Variants in METTL15 observed in about 807,000 individuals in gnomAD.
The protein encoded by METTL15 is 12S rRNA N(4)-cytidine methyltransferase METTL15.
METTL15 carries 34 observed loss-of-function variants against 38.3 expected under a neutral mutation model. The observed-to-expected ratio is 0.89, with a 90% CI of 0.68 to 1.18. The LOEUF is 1.18. METTL15 is among the 50% of genes most tolerant of loss of function. METTL15 has a pLI of 0.00. For synonymous variants in METTL15, 162 were observed against 170.9 expected (o/e 0.95, Z 0.41); for missense variants, 438 against 498.4 (o/e 0.88, Z 1.15).
At chr11:28,490,596 T>A (rs1851486333) in intron 6 of METTL15, among the ~76,000 whole-genome samples, 1 of 152,102 alleles carries the variant, frequency 6.6e-6, no homozygotes, top group Non-Finnish European at 1.5e-5. Context: ...GTCTCAGTCA[T>A]TTTTAAAGCT....
chr11:28,247,620 G>T (rs1033956331), intron 4 of METTL15, among the ~76,000 whole-genome samples: 1 of 152,056 alleles, frequency 6.6e-6, no homozygotes, highest in African/African-American at 2.4e-5. Context: ...ACTTAAGATT[G>T]ATCGGTAATT....
intron 6 of METTL15, among the ~76,000 whole-genome samples, chr11:28,427,099 A>C (rs1850872205): frequency 6.6e-6 from 1 of 152,024 alleles, no homozygotes; most frequent in African/African-American, 2.4e-5. Context: ...TCCATCTTGA[A>C]TTGATTTTTG....
At chr11:28,378,234 G>A (rs1039982386) in intron 5 of METTL15, among the ~76,000 whole-genome samples, 7 of 152,224 alleles carry the variant, frequency 4.6e-5, no homozygotes, top group African/African-American at 1.7e-4. Context: ...CTTGGGCAAT[G>A]GCGGGCGCCC....
chr11:28,527,724 T>C (rs1049609289), downstream of METTL15, among the ~76,000 whole-genome samples: 7 of 152,172 alleles, frequency 4.6e-5, no homozygotes, highest in African/African-American at 1.7e-4. Flanking sequence ...TGAACGAAGA[T>C]CTGACAAAAG....
intron 3 of METTL15, among the ~76,000 whole-genome samples, chr11:28,186,731 C>A (rs1170534900): frequency 1.3e-5 from 2 of 150,852 alleles, no homozygotes; most frequent in Non-Finnish European, 3.0e-5. Flanking sequence ...TTAATAATTA[C>A]CTTTTAATTT....
intron 3 of METTL15, chr11:28,145,217 G>A (rs1483860): frequency 0.14 from 22,014 of 152,590 alleles, 1,777 homozygotes; most frequent in East Asian, 0.28. Context: ...GTTTTAGGAT[G>A]AAAAATCCAT....
intron 6 of METTL15, among the ~76,000 whole-genome samples, chr11:28,496,025 A>G (rs188034578): frequency 3.3e-5 from 5 of 152,210 alleles, no homozygotes; most frequent in African/African-American, 1.2e-4. Flanking sequence ...GTGATGTGGC[A>G]TAATCATTGA....
At chr11:28,431,830 T>TAAAAA (rs1850934568) in intron 6 of METTL15, among the ~76,000 whole-genome samples, 1 of 78,226 alleles carries the variant, frequency 1.3e-5, no homozygotes, top group Non-Finnish European at 2.8e-5. Flanking sequence ...AAAAGAAGAG[T>TAAAAA]AAACAGTAAT....
At chr11:28,529,088 G>C, downstream of METTL15, among the ~76,000 whole-genome samples, 1 of 152,168 alleles carries the variant, frequency 6.6e-6, no homozygotes, top group South Asian at 2.1e-4. Flanking sequence ...TGAAGACATA[G>C]GTGGAAATCT....
chr11:28,264,018 T>C (rs1373531933), intron 4 of METTL15, among the ~76,000 whole-genome samples: 4 of 152,140 alleles, frequency 2.6e-5, no homozygotes, highest in Non-Finnish European at 5.9e-5. Context: ...TACACCTGAA[T>C]TGTATTCTCA....
At chr11:28,201,610 G>GGTGTGTGTGTGTGTATGTGTGT (rs71050951) in intron 3 of METTL15, among the ~76,000 whole-genome samples, 1 of 145,564 alleles carries the variant, frequency 6.9e-6, no homozygotes, top group Non-Finnish European at 1.5e-5. Context: ...GTCTTGGGAG[G>GGTGTGTGTGTGTGTATGTGTGT]GTGTGTGTGT....
intron 6 of METTL15, among the ~76,000 whole-genome samples, chr11:28,442,110 G>T (rs1265197425): frequency 2.0e-5 from 3 of 152,186 alleles, no homozygotes; most frequent in African/African-American, 7.2e-5. Flanking sequence ...GTTATAATGG[G>T]TTTGAGAAAG....
rs1849839894 is a variant in METTL15 at position 28,332,398 on chromosome 11, A to G, written c.*1557A>G. On this transcript the variant is annotated 3_prime_UTR_variant, in exon 7 of 7. Coordinates refer to ENST00000407364, the MANE Select transcript of METTL15 (RefSeq NM_001113528.2). ...ATCTCTGTATGTGATTGGAAAAGAA[A>G]AGATCACATTTGTATATTCAACAAT... 2 of 152,258 alleles carry G rather than the reference A, an allele frequency of 1.3e-5. No homozygotes were observed. The highest frequency in any genetic ancestry group is 3.4e-3 in the Middle Eastern group (1 of 294). 9.4% of individuals were successfully genotyped at this position (152,258 alleles called of 1,614,324 possible).
chr11:28,137,982 AC>A (rs1282882240), intron 3 of METTL15, among the ~76,000 whole-genome samples: 7 of 152,204 alleles, frequency 4.6e-5, no homozygotes, highest in Admixed American at 1.3e-4. Flanking sequence ...TCAGGGTGGT[AC>A]CCTTCAAGAG....
intron 4 of METTL15, among the ~76,000 whole-genome samples, chr11:28,283,904 A>G (rs1031551092): frequency 4.6e-5 from 7 of 152,182 alleles, no homozygotes; most frequent in African/African-American, 1.7e-4. Flanking sequence ...AATTAAAGTG[A>G]AAGGAAAAAG....
chr11:28,320,716 T>C (rs1849435961), intron 6 of METTL15, among the ~76,000 whole-genome samples: 1 of 152,150 alleles, frequency 6.6e-6, no homozygotes, highest in Non-Finnish European at 1.5e-5. Context: ...AGTTTAATTA[T>C]GGAAAATAAA....
chr11:28,251,707 A>G (rs1160855796), intron 4 of METTL15, among the ~76,000 whole-genome samples: 3 of 151,926 alleles, frequency 2.0e-5, no homozygotes, highest in Non-Finnish European at 2.9e-5. Flanking sequence ...TACCTTAGCC[A>G]TCTACTCACA....
In METTL15 at chr11:28,377,946, G is replaced by T. The variant is rs544045142; in HGVS notation, c.*358+15910G>T. Among the ~76,000 whole-genome samples, 19 of 152,260 alleles carry T rather than the reference G, an allele frequency of 1.2e-4. 1 individual carries two copies. The highest frequency in any genetic ancestry group is 1.0e-3 in the South Asian group (5 of 4,816). The stretch of plus-strand genomic sequence containing the variant: ...GGTGTCAGTGTGTCCCTGCTGGAGG[G>T]TGCCTCCCAGTTAGGCTGCTCGGGG... On this transcript the variant is annotated intron_variant and NMD_transcript_variant, in intron 5 of 7. Transcript: ENST00000532947.
intron 5 of METTL15, among the ~76,000 whole-genome samples, chr11:28,390,966 T>C (rs987746076): frequency 2.0e-5 from 3 of 152,210 alleles, no homozygotes; most frequent in Non-Finnish European, 2.9e-5. Flanking sequence ...GTTGGATTCC[T>C]AAGTATTTTA....
Sources: gnomAD v4.1 joint callset for allele counts (sites outside exome capture counted in the v4.1 genomes callset) on GRCh38, gnomAD v4.1.1 for gene constraint, MANE v1.5 for transcripts, NCBI Gene and HGNC (gene_info 2026-07-23, HGNC 2026-07-21) for gene names.